GLRA2: variants seen among roughly 807,000 people sequenced by gnomAD.
GLRA2 encodes glycine receptor alpha 2.
Under a neutral mutation model 31.6 loss-of-function variants are expected in GLRA2, and 11 were observed. The observed-to-expected ratio is 0.35, with a 90% CI of 0.22 to 0.58. GLRA2 has a LOEUF of 0.58. GLRA2 is among the 20% of genes least tolerant of loss of function. The probability of loss-of-function intolerance (pLI) is 0.84; values close to 1 mark genes in which losing one functional copy is unlikely to be tolerated. For missense variants in GLRA2, 212 were observed against 351.8 expected, an observed-to-expected ratio of 0.60 and a Z score of 3.18; for synonymous variants, 132 against 134.0, an observed-to-expected ratio of 0.99 and a Z score of 0.10.
At chrX:14,488,238 AAGG>A in the GLRA2 span, among the ~76,000 whole-genome samples, 1 of 112,184 alleles carries the variant, frequency 8.9e-6, no homozygotes, top group East Asian at 2.8e-4. Flanking sequence ...TTGGAATTTC[AAGG>A]AGAACAGATG....
intron 7 of GLRA2, among the ~76,000 whole-genome samples, chrX:14,641,635 G>A: frequency 9.0e-6 from 1 of 111,595 alleles, no homozygotes; most frequent in Non-Finnish European, 1.9e-5. Flanking sequence ...TACATTGAAA[G>A]CCCTCATTAA....
chrX:14,676,002 A>C (rs2091142218), intron 7 of GLRA2, among the ~76,000 whole-genome samples: 1 of 112,486 alleles, frequency 8.9e-6, no homozygotes, highest in Non-Finnish European at 1.9e-5. Flanking sequence ...GCACTCAATA[A>C]AAGATAAGTT....
At chrX:14,596,744 T>C (rs963929887) in intron 4 of GLRA2, among the ~76,000 whole-genome samples, 1 of 111,704 alleles carries the variant, frequency 9.0e-6, no homozygotes, top group African/African-American at 3.3e-5. Flanking sequence ...GTCTATCACA[T>C]TGACAGAAAT....
chrX:14,517,007 A>C, the GLRA2 span, among the ~76,000 whole-genome samples: 1 of 112,237 alleles, frequency 8.9e-6, no homozygotes, highest in Non-Finnish European at 1.9e-5. Context: ...AAAGATATTA[A>C]CAAATTATTG....
the GLRA2 span, among the ~76,000 whole-genome samples, chrX:14,454,080 G>A: frequency 9.1e-6 from 1 of 109,710 alleles, no homozygotes; most frequent in Non-Finnish European, 1.9e-5. Context: ...GCAACACTGT[G>A]GTGATGGAAC....
At chrX:14,669,039 G>A (rs113176514) in intron 7 of GLRA2, among the ~76,000 whole-genome samples, 3 of 112,282 alleles carry the variant, frequency 2.7e-5, no homozygotes, top group East Asian at 5.6e-4. Flanking sequence ...AGATACAATC[G>A]GGATACAGGC....
chrX:14,651,790 AT>A (rs1175446072), intron 7 of GLRA2, among the ~76,000 whole-genome samples: 1 of 111,806 alleles, frequency 8.9e-6, no homozygotes, highest in African/African-American at 3.3e-5. Flanking sequence ...ATATCCAGAT[AT>A]CCCCCAGTAA....
chrX:14,491,286 T>C, the GLRA2 span, among the ~76,000 whole-genome samples: 1 of 111,660 alleles, frequency 9.0e-6, no homozygotes, highest in Non-Finnish European at 1.9e-5. Context: ...CACTTCATAA[T>C]ATTGTTTTGC....
chrX:14,470,529 A>C, the GLRA2 span, among the ~76,000 whole-genome samples: 1 of 111,654 alleles, frequency 9.0e-6, no homozygotes, highest in Non-Finnish European at 1.9e-5. Context: ...GAAAACCTTC[A>C]TTTTATAGAT....
chrX:14,644,602 T>G (rs2147131748), intron 7 of GLRA2, among the ~76,000 whole-genome samples: 1 of 112,056 alleles, frequency 8.9e-6, no homozygotes, highest in African/African-American at 3.2e-5. Flanking sequence ...TCAGGGTGAT[T>G]TATTTTATTA....
intron 4 of GLRA2, among the ~76,000 whole-genome samples, chrX:14,589,888 G>A (rs1037172619): frequency 9.1e-6 from 1 of 109,783 alleles, no homozygotes; most frequent in East Asian, 2.8e-4. Context: ...ACTGTTAAGA[G>A]CTTGAGCTTT....
chrX:14,506,831 T>A, the GLRA2 span, among the ~76,000 whole-genome samples: 2 of 111,443 alleles, frequency 1.8e-5, no homozygotes, highest in African/African-American at 6.5e-5. Context: ...GTAATCAAAC[T>A]CTATGGATAG....
chrX:14,546,985 T>G (rs2089490798), intron 2 of GLRA2, among the ~76,000 whole-genome samples: 1 of 111,838 alleles, frequency 8.9e-6, no homozygotes, highest in Non-Finnish European at 1.9e-5. Flanking sequence ...ATAAATTATC[T>G]GCTTCAGTGA....
intron 2 of GLRA2, among the ~76,000 whole-genome samples, chrX:14,557,847 C>T (rs1246372930): frequency 9.0e-6 from 1 of 110,635 alleles, no homozygotes; most frequent in Non-Finnish European, 1.9e-5. Flanking sequence ...GCCAATAGTC[C>T]CAAGGTAGAG....
In GLRA2 at chrX:14,731,072, A is replaced by G. The variant is rs781146084; in HGVS notation, c.*587A>G. 2 of 112,233 alleles carry G rather than the reference A, an allele frequency of 1.8e-5. No individual in the cohort carries two copies. Among genetic ancestry groups the G allele is most frequent in the South Asian group, 7.4e-4 (2 of 2,704 alleles). 9.2% of individuals were successfully genotyped at this position (112,233 alleles called of 1,213,427 possible). A position where few individuals can be genotyped will look rare whatever the true frequency, so the allele number is the denominator to read the frequency against. ...AAGCCTCCTAAGCTATGTTCTTTAC[A>G]ATGTCTGTAATTAGTGTTTCACTTG... On this transcript the variant is annotated 3_prime_UTR_variant, in exon 9 of 9. Transcript: ENST00000218075.
At chrX:14,466,289 C>T in the GLRA2 span, among the ~76,000 whole-genome samples, 1 of 110,886 alleles carries the variant, frequency 9.0e-6, no homozygotes, top group Admixed American at 9.7e-5. Context: ...TTAGTTGTTC[C>T]TTACTCTTGA....
chrX:14,485,936 C>G, the GLRA2 span, among the ~76,000 whole-genome samples: 5 of 111,872 alleles, frequency 4.5e-5, no homozygotes, highest in Non-Finnish European at 7.5e-5. Flanking sequence ...TCTCCCTGCC[C>G]CATGGGACAG....
At chrX:14,598,517 A>T (rs1023081813) in intron 4 of GLRA2, among the ~76,000 whole-genome samples, 1 of 112,356 alleles carries the variant, frequency 8.9e-6, no homozygotes, top group Non-Finnish European at 1.9e-5. Context: ...TAACTAGTTG[A>T]CCAAGGTTCC....
intron 8 of GLRA2, among the ~76,000 whole-genome samples, chrX:14,724,626 C>CAAAAAAAAAAAAAAAAAAA (rs758722703): frequency 4.2e-4 from 21 of 49,579 alleles, no homozygotes; most frequent in African/African-American, 1.1e-3. Flanking sequence ...AACTCTGTCT[C>CAAAAAAAAAAAAAAAAAAA]AAAAAAAAAA....
Sources: gnomAD v4.1 joint callset for allele counts (sites outside exome capture counted in the v4.1 genomes callset) on GRCh38, gnomAD v4.1.1 for gene constraint, MANE v1.5 for transcripts, NCBI Gene and HGNC (gene_info 2026-07-23, HGNC 2026-07-21) for gene names.